Variants in SCAPER observed in about 807,000 individuals in gnomAD.
SCAPER encodes S-phase cyclin A associated protein in the ER.
In SCAPER, 98 loss-of-function variants were observed where a neutral mutation model predicts 182.2. That is an observed-to-expected ratio of 0.54 (90% confidence interval 0.46 to 0.64). SCAPER has a LOEUF of 0.64. Ranked by LOEUF, SCAPER falls within the 30% of genes least tolerant of loss-of-function variation. The pLI is 0.00. For missense variants in SCAPER, 1,432 were observed against 1,690.0 expected (o/e 0.85, Z 2.68); for synonymous variants, 605 against 564.6 (o/e 1.07, Z -1.01).
rs187454734 is a variant in SCAPER, at chr15:76,897,192, C to G, written c.-60+8107G>C. ...ACAACCAGCACTCAATACTTGGTAG[C>G]TGTGCACCACAGGATAATGGGGAAT... On this transcript the variant is annotated intron_variant, in intron 1 of 31. Coordinates refer to ENST00000563290, the MANE Select transcript of SCAPER (RefSeq NM_020843.4). 2.6e-3 allele frequency among the ~76,000 whole-genome samples: 397 copies of G among 152,304 alleles called. 2 individuals are homozygous for G. The highest frequency in any genetic ancestry group is 9.3e-3 in the African/African-American group (385 of 41,566).
chr15:76,478,194 C>T (rs576635118), intron 24 of SCAPER, among the ~76,000 whole-genome samples: 2 of 150,564 alleles, frequency 1.3e-5, no homozygotes, highest in East Asian at 1.9e-4. Flanking sequence ...AATAAAGTTG[C>T]TATTTATCAT....
At chr15:76,727,063 T>A (rs966377379) in intron 17 of SCAPER, among the ~76,000 whole-genome samples, 72 of 148,802 alleles carry the variant, frequency 4.8e-4, no homozygotes, top group Middle Eastern at 3.5e-3. Context: ...GAAAAAAAAA[T>A]TTCTACTTGG....
chr15:76,640,270 T>C (rs1053467489), intron 21 of SCAPER, among the ~76,000 whole-genome samples: 1 of 152,172 alleles, frequency 6.6e-6, no homozygotes, highest in East Asian at 1.9e-4. Context: ...GTTATATGGA[T>C]GGGAGATAGA....
chr15:76,784,788 C>T lies in SCAPER; in HGVS notation c.773-9671G>A, dbSNP rs143585605. Reference sequence around the variant, plus strand: ...CTGACAAAAACAAGAAAAAGGATTCCCTATTTCATAAACGGTGCTGGGAAA... The same window carrying T: ...CTGACAAAAACAAGAAAAAGGATTCTCTATTTCATAAACGGTGCTGGGAAA... On this transcript the variant is annotated intron_variant, in intron 8 of 31. Coordinates refer to ENST00000563290, the MANE Select transcript of SCAPER (RefSeq NM_020843.4). 3.9e-3 allele frequency among the ~76,000 whole-genome samples: 598 copies of T among 152,128 alleles called. 8 individuals carry two copies. Among genetic ancestry groups the T allele is most frequent in the East Asian group, 5.6e-3 (29 of 5,176 alleles).
Position 76,370,291 on chromosome 15 carries a change from ATTTTTTTTTTTT to A in SCAPER, c.3855+5859_3855+5870del, listed in dbSNP as rs10524497. ...GTATAACATATAATTTACCATTTCA[ATTTTTTTTTTTT>A]TTTTTTTTTTTTTGTTTTAAAGACA... On this transcript the variant is annotated intron_variant, in intron 29 of 31. Coordinates refer to ENST00000563290, the MANE Select transcript of SCAPER (RefSeq NM_020843.4). Among the ~76,000 whole-genome samples the A allele has an allele frequency of 7.4e-4, 88 of 119,438 alleles. No homozygotes were observed. The East Asian group carries it at 0.014, about 19-fold the overall frequency. The allele number at this position is 119,438 out of a possible 152,430, so 78.4% of individuals were successfully genotyped here.
intron 10 of SCAPER, 46 bp from the exon 11 acceptor site, chr15:76,767,134 A>T: frequency 1.4e-6 from 2 of 1,455,592 alleles, no homozygotes; most frequent in African/African-American, 1.4e-5. Flanking sequence ...TGATCACTTG[A>T]CTGGAAAGTA....
chr15:76,620,795 T>C (rs1014707143), intron 22 of SCAPER, among the ~76,000 whole-genome samples: 4 of 150,808 alleles, frequency 2.7e-5, no homozygotes, highest in Admixed American at 1.3e-4. Context: ...TAAGGGGGAG[T>C]TGAACAAGGA....
chr15:76,464,005 G>A (rs1201365849), intron 25 of SCAPER, among the ~76,000 whole-genome samples: 1 of 30,158 alleles, frequency 3.3e-5, no homozygotes, highest in South Asian at 2.0e-3. Context: ...ACTTTCACTG[G>A]TCTTTTTTTT....
intron 8 of SCAPER, among the ~76,000 whole-genome samples, chr15:76,792,968 A>G (rs1386125337): frequency 6.6e-6 from 1 of 152,258 alleles, no homozygotes; most frequent in East Asian, 1.9e-4. Context: ...GGATTCAGCT[A>G]GCTCACTCCG....
intron 26 of SCAPER, among the ~76,000 whole-genome samples, chr15:76,416,536 G>T (rs1005887166): frequency 1.3e-5 from 2 of 151,840 alleles, no homozygotes; most frequent in African/African-American, 4.8e-5. Context: ...TTTGGCTAAG[G>T]TTTAAAAAGA....
At chr15:76,782,098 T>C (rs1340606735) in intron 8 of SCAPER, among the ~76,000 whole-genome samples, 1 of 152,184 alleles carries the variant, frequency 6.6e-6, no homozygotes, top group Middle Eastern at 3.4e-3. Context: ...ACTGGCAAAT[T>C]GGACAGAGTC....
chr15:76,536,663 G>T, intron 23 of SCAPER, among the ~76,000 whole-genome samples: 1 of 152,026 alleles, frequency 6.6e-6, no homozygotes. Context: ...CACAAGACAG[G>T]GATGCCCTCT....
At chr15:76,428,936 T>A (rs1016332704) in intron 26 of SCAPER, among the ~76,000 whole-genome samples, 5 of 144,224 alleles carry the variant, frequency 3.5e-5, no homozygotes, top group Admixed American at 7.0e-5. Context: ...GTTACTGATA[T>A]GGTGTAGCAG....
At chr15:76,519,927 C>T (rs1170669682) in intron 23 of SCAPER, among the ~76,000 whole-genome samples, 1 of 152,188 alleles carries the variant, frequency 6.6e-6, no homozygotes, top group Non-Finnish European at 1.5e-5. Context: ...AAGTGATACT[C>T]ATAATAGTAT....
chr15:76,693,961 A>G (rs2058515714), intron 20 of SCAPER, among the ~76,000 whole-genome samples: 3 of 152,096 alleles, frequency 2.0e-5, no homozygotes, highest in Admixed American at 2.0e-4. Flanking sequence ...AAACTATAAT[A>G]TATACTTAAA....
intron 20 of SCAPER, among the ~76,000 whole-genome samples, chr15:76,693,000 C>T (rs1383703193): frequency 6.6e-6 from 1 of 152,016 alleles, no homozygotes; most frequent in Non-Finnish European, 1.5e-5. Flanking sequence ...CTTTCAATTA[C>T]CGATTGAGAG....
At chr15:76,731,611 CA>C (rs1181334502) in intron 16 of SCAPER, among the ~76,000 whole-genome samples, 1 of 152,164 alleles carries the variant, frequency 6.6e-6, no homozygotes, top group Non-Finnish European at 1.5e-5. Flanking sequence ...GCCTGTACAG[CA>C]AGTAATGATT....
At chr15:76,766,794 G>C in intron 11 of SCAPER, 124 bp downstream of exon 11, 1 of 758,118 alleles carries the variant, frequency 1.3e-6, no homozygotes, top group East Asian at 2.8e-5. Context: ...TATGATTACT[G>C]AACATGATTT....
chr15:76,769,238 C>G (rs1598617256), intron 10 of SCAPER, among the ~76,000 whole-genome samples: 1 of 151,530 alleles, frequency 6.6e-6, no homozygotes, highest in East Asian at 1.9e-4. Context: ...GTCAGGATAT[C>G]GAGACCAGCC....
Sources: allele counts gnomAD v4.1 joint callset (sites outside exome capture counted in the v4.1 genomes callset), GRCh38; gene constraint gnomAD v4.1.1; transcripts MANE v1.5; gene names NCBI Gene and HGNC (gene_info 2026-07-23, HGNC 2026-07-21).